FAM98C: variants seen among roughly 807,000 people sequenced by gnomAD.
FAM98C encodes tRNA splicing ligase complex subunit 3C, also known as protein FAM98C.
Under a neutral mutation model 41.1 loss-of-function variants are expected in FAM98C, and 38 were observed. The observed-to-expected ratio is 0.92, with a 90% CI of 0.71 to 1.21. The LOEUF is 1.21. FAM98C is among the 50% of genes most tolerant of loss of function. FAM98C has a pLI of 0.00. For missense variants in FAM98C, 493 were observed against 484.7 expected (o/e 1.02, Z -0.16); for synonymous variants, 195 against 216.7 (o/e 0.90, Z 0.88).
Position 38,405,080 on chromosome 19 carries a change from C to A in FAM98C, c.522C>A (p.Pro174=), listed in dbSNP as rs199758385. Residue 174 remains proline, a synonymous_variant, in exon 4 of 8, where the codon CCC becomes CCA. Coordinates refer to ENST00000252530, the MANE Select transcript of FAM98C (RefSeq NM_174905.4). ...LGLPRPAPGT[P]ASQLLQELHA... is the part of the protein sequence containing the mutation. ...TGCCCAGACCTGCACCAGGGACCCC[C>A]GCCAGCCAGCTGCTGCAGGAGTTGC... The A allele has an allele frequency of 6.2e-7, 1 of 1,611,032 alleles. No individual in the cohort carries two copies. Among genetic ancestry groups the A allele is most frequent in the African/African-American group, 1.3e-5 (1 of 75,002 alleles).
intron 6 of FAM98C, chr19:38,405,885 T>A: frequency 2.3e-6 from 1 of 437,976 alleles, no homozygotes; most frequent in East Asian, 4.1e-5. Flanking sequence ...TGAGACGGGG[T>A]CTCACTCTGT....
At position 38,408,994 on chromosome 19, in the gene FAM98C, A is replaced by G. The variant is rs1382816687; in HGVS notation, c.*112A>G. 1 of 1,219,758 alleles carries G rather than the reference A, an allele frequency of 8.2e-7. No homozygotes were observed. The highest frequency in any genetic ancestry group is 1.1e-6 in the Non-Finnish European group (1 of 900,902). 75.6% of individuals were successfully genotyped at this position (1,219,758 alleles called of 1,614,324 possible). A position where few individuals can be genotyped will look rare whatever the true frequency, so the allele number is the denominator to read the frequency against. On this transcript the variant is annotated 3_prime_UTR_variant, in exon 8 of 8. Transcript: ENST00000252530. ...TTGGTATTTGGCACCCAAGCCCCCC[A>G]TCTCCTATTCCTGAGTCCCCAAATG...
In FAM98C at chr19:38,403,458, G is replaced by A. The variant is rs1240863524; in HGVS notation, c.186G>A (p.Ala62=). Residue 62 remains alanine (A), a synonymous_variant, in exon 2 of 8, where the codon GCG becomes GCA. Transcript: ENST00000252530. Reference sequence around the variant, plus strand: ...GCGCCCTCGAGCAGCAGCGAGAGGCGGGCGCGGAGGTGCTGAGCGCCGGCG... The same window carrying A: ...GCGCCCTCGAGCAGCAGCGAGAGGCAGGCGCGGAGGTGCTGAGCGCCGGCG... ...TLGALEQQRE[A]GAEVLSAGDG... 1.4e-6 allele frequency: 2 copies of A among 1,404,802 alleles called. No homozygotes were observed. Among genetic ancestry groups the A allele is most frequent in the Non-Finnish European group, 9.2e-7 (1 of 1,090,900 alleles). The allele number at this position is 1,404,802 out of a possible 1,614,324, so 87.0% of individuals were successfully genotyped here.
chr19:38,407,828 C>CA (rs547813793), intron 7 of FAM98C: 20 of 147,342 alleles, frequency 1.4e-4, no homozygotes, highest in African/African-American at 2.7e-4. Context: ...ACTAAAAATA[C>CA]AAAAAAAAAA....
chr19:38,407,065 T>C lies in FAM98C; in HGVS notation c.906T>C (p.Cys302=). 1 of 1,613,614 alleles carries C rather than the reference T, an allele frequency of 6.2e-7. No homozygotes were observed. Among genetic ancestry groups the C allele is most frequent in the East Asian group, 2.2e-5 (1 of 44,862 alleles). Residue 302 remains cysteine (C), a synonymous_variant, in exon 7 of 8, where the codon TGT becomes TGC. Coordinates refer to ENST00000252530, the MANE Select transcript of FAM98C (RefSeq NM_174905.4). ...TGGCTGTCCGCAGAGGGACCTGCTG[T>C]GCCATCAACAAGGTGGGCATCTGGG... is the stretch of plus-strand genomic sequence containing the variant. ...TSVAVRRGTC[C]AINKVLMGNV... is the part of the protein sequence containing the mutation.
intron 7 of FAM98C, 122 bp from the exon 8 acceptor site, chr19:38,408,629 A>C: frequency 7.9e-7 from 1 of 1,265,898 alleles, no homozygotes; most frequent in Non-Finnish European, 1.1e-6. Flanking sequence ...TCCCCCAGCC[A>C]CTGTACTCAA....
intron 3 of FAM98C, 93 bp downstream of exon 3, chr19:38,403,787 G>A: frequency 7.5e-7 from 1 of 1,330,788 alleles, no homozygotes; most frequent in East Asian, 3.1e-5. Context: ...AAGGGGTGTG[G>A]TCAGAACTTT....
chr19:38,405,156 T>C (rs1568401267), intron 4 of FAM98C, 43 bp downstream of exon 4: 1 of 1,576,644 alleles, frequency 6.3e-7, no homozygotes, highest in East Asian at 2.3e-5. Context: ...TACCCCACTT[T>C]CCTTGTGGGG....
At chr19:38,405,319 G>A (rs374364012) in intron 4 of FAM98C, 25 bp from the exon 5 acceptor site, 11 of 1,610,814 alleles carry the variant, frequency 6.8e-6, no homozygotes, top group Non-Finnish European at 9.3e-6. Context: ...TGCCCCAGTT[G>A]GCCTCTGACT....
intron 3 of FAM98C, 144 bp downstream of exon 3, chr19:38,403,838 T>C: frequency 5.3e-6 from 5 of 943,676 alleles, no homozygotes; most frequent in Non-Finnish European, 6.9e-6. Context: ...GGTGAGCATG[T>C]TGGGGCAAGC....
At position 38,403,539 on chromosome 19, in the gene FAM98C, C is replaced by T. The variant is rs780294452; in HGVS notation, c.215-21C>T. 1.3e-4 allele frequency: 190 copies of T among 1,469,174 alleles called. 2 individuals carry two copies. The highest frequency in any genetic ancestry group is 1.1e-3 in the Admixed American group (43 of 38,216). 91.0% of individuals were successfully genotyped at this position (1,469,174 alleles called of 1,614,324 possible). ...GGGGCCGCCACGGGGCCACCGAGCC[C>T]TGACACCCCTGTCCTCGCAGGCCCT... On this transcript the variant is annotated intron_variant, in intron 2 of 7. Coordinates refer to ENST00000252530, the MANE Select transcript of FAM98C (RefSeq NM_174905.4).
intron 6 of FAM98C, chr19:38,406,158 T>TA (rs1971038132): frequency 2.0e-5 from 3 of 152,332 alleles, no homozygotes; most frequent in Admixed American, 6.5e-5. Context: ...CCCAGCCTTT[T>TA]TTTTTTATTT....
chr19:38,403,406 GGCTGGCGGCGGA>G lies in FAM98C; in HGVS notation c.142_153del (p.Ala48_Ala51del), dbSNP rs1159870474. The G allele has an allele frequency of 2.1e-6, 3 of 1,441,536 alleles. No individual in the cohort carries two copies. The highest frequency in any genetic ancestry group is 5.9e-5 in the East Asian group (2 of 33,980). The allele number at this position is 1,441,536 out of a possible 1,614,324, so 89.3% of individuals were successfully genotyped here. On this transcript the variant is annotated inframe_deletion, in exon 2 of 8. Transcript: ENST00000252530. Reference sequence around the variant, plus strand: ...CCAGACTTCAGGGGGCTGTGCGTGCGGCTGGCGGCGGAGCTGGCGACGCTGGGCGCCCTCGAG... The same window carrying G: ...CCAGACTTCAGGGGGCTGTGCGTGCGGCTGGCGACGCTGGGCGCCCTCGAG...
rs1390548912 is a variant in FAM98C, at chr19:38,405,489, C to G, written c.634-30C>G. 2.5e-6 allele frequency: 4 copies of G among 1,613,990 alleles called. No homozygotes were observed. In the East Asian group the frequency reaches 8.9e-5, roughly 36 times the overall value. On this transcript the variant is annotated intron_variant, in intron 5 of 7. Transcript: ENST00000252530. ...TCAGAGGTGGCAGTGAGAGGGACCC[C>G]TAGCCTGACCTTGAGACCTTTTCTC...
chr19:38,404,973 C>CT lies in FAM98C; in HGVS notation c.415_416insT (p.Pro139LeufsTer2). ...CCTCCGCTCTCTGCTGGATCCGAGT[C>CT]CTAGGCCACCCCTTGGTGAAGGGGT... is the stretch of plus-strand genomic sequence containing the variant. On this transcript the variant is annotated frameshift_variant, in exon 4 of 8. Coordinates refer to ENST00000252530, the MANE Select transcript of FAM98C (RefSeq NM_174905.4). LOFTEE classifies it high-confidence loss of function. 1.2e-6 allele frequency: 2 copies of CT among 1,614,168 alleles called. No individual in the cohort carries two copies. The highest frequency in any genetic ancestry group is 1.1e-5 in the South Asian group (1 of 91,084).
intron 7 of FAM98C, 95 bp downstream of exon 7, chr19:38,407,172 C>G (rs2145177507): frequency 7.0e-7 from 1 of 1,422,128 alleles, no homozygotes; most frequent in East Asian, 2.3e-5. Flanking sequence ...CTTACCACCT[C>G]TAATCCACCC....
In FAM98C at chr19:38,405,428, C is replaced by T. The variant is rs1264785123; in HGVS notation, c.633+7C>T. 4 of 1,613,998 alleles carry T rather than the reference C, an allele frequency of 2.5e-6. No individual in the cohort carries two copies. Among genetic ancestry groups the T allele is most frequent in the African/African-American group, 1.3e-5 (1 of 74,926 alleles). ...GCTAGATGCACCCAGATGGGTAAGA[C>T]TGTGTGCGACTGACTGAATGTGAAC... On this transcript the variant is annotated splice_region_variant and intron_variant, in intron 5 of 7. Transcript: ENST00000252530.
rs1372924559 is a variant in FAM98C at position 38,408,987 on chromosome 19, G to GC, written c.*111dup. ...GCTTTCCTTGGTATTTGGCACCCAA[G>GC]CCCCCCATCTCCTATTCCTGAGTCC... is the stretch of plus-strand genomic sequence containing the variant. On this transcript the variant is annotated 3_prime_UTR_variant, in exon 8 of 8. Transcript: ENST00000252530. The GC allele has an allele frequency of 1.6e-6, 2 of 1,287,472 alleles. No individual in the cohort carries two copies. Among genetic ancestry groups the GC allele is most frequent in the Admixed American group, 2.9e-5 (1 of 34,576 alleles). The allele number at this position is 1,287,472 out of a possible 1,614,324, so 79.8% of individuals were successfully genotyped here.
rs1970993683 is a variant in FAM98C at position 38,403,418 on chromosome 19, A to AGCTGGCGAC, written c.152_160dup (p.Ala51_Leu53dup). On this transcript the variant is annotated inframe_insertion, in exon 2 of 8. Transcript: ENST00000252530. The stretch of plus-strand genomic sequence containing the variant: ...GGGCTGTGCGTGCGGCTGGCGGCGG[A>AGCTGGCGAC]GCTGGCGACGCTGGGCGCCCTCGAG... 1.4e-6 allele frequency: 2 copies of AGCTGGCGAC among 1,432,412 alleles called. No individual in the cohort carries two copies. The highest frequency in any genetic ancestry group is 9.0e-7 in the Non-Finnish European group (1 of 1,105,034). The allele number at this position is 1,432,412 out of a possible 1,614,324, so 88.7% of individuals were successfully genotyped here. A position where few individuals can be genotyped will look rare whatever the true frequency, so the allele number is the denominator to read the frequency against.
Sources: allele counts gnomAD v4.1 joint callset, GRCh38; gene constraint gnomAD v4.1.1; transcripts MANE v1.5; gene names NCBI Gene and HGNC (gene_info 2026-07-23, HGNC 2026-07-21).